The following CNTN6 variants were observed in gnomAD, a reference collection of about 807,000 sequenced individuals.
CNTN6 encodes the protein contactin-6.
Under a neutral mutation model 122.8 loss-of-function variants are expected in CNTN6, and 137 were observed. That is an observed-to-expected ratio of 1.12 (90% CI 0.97 to 1.29). The LOEUF (loss-of-function observed/expected upper bound fraction) is 1.29, where lower values mean the gene tolerates loss of function less well. Among genes scored for constraint, CNTN6 ranks in the 50% most tolerant of loss-of-function variants. The probability of loss-of-function intolerance (pLI) is 0.00; values close to 1 mark genes in which losing one functional copy is unlikely to be tolerated. For synonymous variants in CNTN6, 570 were observed against 426.0 expected, an observed-to-expected ratio of 1.34 and a Z score of -4.16; for missense variants, 1,634 against 1,223.4, an observed-to-expected ratio of 1.34 and a Z score of -5.01.
intron 4 of CNTN6, among the ~76,000 whole-genome samples, chr3:1,229,866 C>A (rs964961282): frequency 3.3e-5 from 5 of 152,060 alleles, no homozygotes; most frequent in Non-Finnish European, 7.4e-5. Context: ...ACCTTTAATG[C>A]AGAAAGTAAG....
chr3:1,274,902 C>G (rs182148750), intron 4 of CNTN6, among the ~76,000 whole-genome samples: 2 of 152,086 alleles, frequency 1.3e-5, no homozygotes, highest in African/African-American at 4.8e-5. Flanking sequence ...CCATAACAAC[C>G]CTGCTAAACA....
chr3:1,241,783 G>A (rs547549942), intron 4 of CNTN6, among the ~76,000 whole-genome samples: 4 of 152,300 alleles, frequency 2.6e-5, no homozygotes, highest in South Asian at 4.1e-4. Context: ...TCAAGGCCTC[G>A]GCGGTTTTGG....
chr3:1,356,659 C>G (rs969956786), intron 12 of CNTN6, among the ~76,000 whole-genome samples: 2 of 151,810 alleles, frequency 1.3e-5, no homozygotes, highest in African/African-American at 4.8e-5. Context: ...TATCGTAGTA[C>G]TTGAAAACAC....
chr3:1,319,847 A>ATAAAATAAAATAAAG (rs1157991770), intron 7 of CNTN6, among the ~76,000 whole-genome samples: 36 of 149,688 alleles, frequency 2.4e-4, no homozygotes, highest in African/African-American at 8.8e-4. Context: ...ATAAAATAAA[A>ATAAAATAAAATAAAG]TAAAATAAAA....
intron 12 of CNTN6, among the ~76,000 whole-genome samples, chr3:1,364,224 T>C (rs547297786): frequency 1.3e-5 from 2 of 152,100 alleles, no homozygotes; most frequent in African/African-American, 4.8e-5. Context: ...TATTTATTTC[T>C]AGACATTGCA....
intron 4 of CNTN6, among the ~76,000 whole-genome samples, chr3:1,238,470 T>C (rs2130278): frequency 0.3 from 45,438 of 152,050 alleles, 7,016 homozygotes; most frequent in East Asian, 0.43. Flanking sequence ...AGAAATGAGA[T>C]AGATGGCAAC....
intron 4 of CNTN6, among the ~76,000 whole-genome samples, chr3:1,272,516 A>G (rs1304217083): frequency 1.3e-5 from 2 of 149,382 alleles, no homozygotes; most frequent in Non-Finnish European, 3.0e-5. Context: ...GAAATAATTC[A>G]TACATAGTAA....
At chr3:1,344,187 T>C (rs1704308559) in intron 11 of CNTN6, among the ~76,000 whole-genome samples, 1 of 152,086 alleles carries the variant, frequency 6.6e-6, no homozygotes, top group African/African-American at 2.4e-5. Context: ...TTGGTGGGGT[T>C]CCGCAGGAAA....
intron 6 of CNTN6, among the ~76,000 whole-genome samples, chr3:1,296,992 TA>T (rs200885500): frequency 0.022 from 3,417 of 152,044 alleles, 145 homozygotes; most frequent in African/African-American, 0.078. Context: ...AAATCAAACC[TA>T]TTTTAAAAGT....
chr3:1,161,528 T>C (rs1415478693), intron 2 of CNTN6, among the ~76,000 whole-genome samples: 2 of 151,688 alleles, frequency 1.3e-5, no homozygotes, highest in Non-Finnish European at 2.9e-5. Flanking sequence ...ATAATAAACA[T>C]GTGTATATAC....
intron 20 of CNTN6, among the ~76,000 whole-genome samples, chr3:1,386,949 AC>A (rs1200071614): frequency 6.6e-6 from 1 of 151,914 alleles, no homozygotes; most frequent in African/African-American, 2.4e-5. Context: ...TTAGTTAGGA[AC>A]CATCTCAGAG....
At chr3:1,382,064 C>A (rs543637251) in intron 17 of CNTN6, among the ~76,000 whole-genome samples, 4 of 151,814 alleles carry the variant, frequency 2.6e-5, no homozygotes, top group African/African-American at 9.7e-5. Flanking sequence ...AGCACTGTGT[C>A]CTGTCAGGTG....
intron 2 of CNTN6, among the ~76,000 whole-genome samples, chr3:1,180,845 G>C (rs1559467671): frequency 6.6e-6 from 1 of 152,176 alleles, no homozygotes; most frequent in Non-Finnish European, 1.5e-5. Context: ...TCATTTGTGA[G>C]AGTTAAAATC....
chr3:1,298,927 A>G (rs1210255918), intron 7 of CNTN6, among the ~76,000 whole-genome samples: 1 of 152,182 alleles, frequency 6.6e-6, no homozygotes. Flanking sequence ...CCTCACATTT[A>G]GAAATAGTGA....
At chr3:1,299,116 C>A (rs1356857054) in intron 7 of CNTN6, among the ~76,000 whole-genome samples, 2 of 151,998 alleles carry the variant, frequency 1.3e-5, no homozygotes, top group Non-Finnish European at 2.9e-5. Context: ...ATTTAAGAGA[C>A]CGTATTTTAT....
At chr3:1,287,834 C>G (rs182165277) in intron 5 of CNTN6, among the ~76,000 whole-genome samples, 6 of 152,120 alleles carry the variant, frequency 3.9e-5, no homozygotes, top group African/African-American at 7.2e-5. Context: ...GTGTGAGGAA[C>G]CTTCAGTCCT....
intron 12 of CNTN6, among the ~76,000 whole-genome samples, chr3:1,370,117 T>C (rs1708797269): frequency 6.6e-6 from 1 of 151,910 alleles, no homozygotes; most frequent in Non-Finnish European, 1.5e-5. Flanking sequence ...TTGATTAGAA[T>C]CCAATAAGAT....
At chr3:1,203,881 T>A (rs949684069) in intron 2 of CNTN6, among the ~76,000 whole-genome samples, 2 of 152,210 alleles carry the variant, frequency 1.3e-5, no homozygotes, top group African/African-American at 2.4e-5. Context: ...TGTATAGATA[T>A]GTTTCGATAC....
intron 2 of CNTN6, among the ~76,000 whole-genome samples, chr3:1,161,273 A>C (rs2093127021): frequency 9.8e-6 from 1 of 101,950 alleles, no homozygotes; most frequent in Non-Finnish European, 1.9e-5. Context: ...ATATATATAT[A>C]TATAATGATA....
Sources: allele counts gnomAD v4.1 joint callset (sites outside exome capture counted in the v4.1 genomes callset), GRCh38; gene constraint gnomAD v4.1.1; transcripts MANE v1.5; gene names NCBI Gene and HGNC (gene_info 2026-07-23, HGNC 2026-07-21).